WWOX: variants seen among roughly 807,000 people sequenced by gnomAD.
WWOX encodes the protein WW domain-containing oxidoreductase.
A neutral mutation model predicts 46.2 loss-of-function variants in WWOX; 69 were observed. That is an observed-to-expected ratio of 1.49 (90% CI 1.23 to 1.82). The LOEUF is 1.82. WWOX is among the 40% of genes most tolerant of loss of function. WWOX has a pLI of 0.00. For missense variants in WWOX, 919 were observed against 542.6 expected (o/e 1.69, Z -6.89); for synonymous variants, 359 against 202.6 (o/e 1.77, Z -6.56).
chr16:78,550,030 T>C (rs1046488645), intron 8 of WWOX, among the ~76,000 whole-genome samples: 1 of 152,204 alleles, frequency 6.6e-6, no homozygotes, highest in Non-Finnish European at 1.5e-5. Flanking sequence ...GCAATACACA[T>C]TCAATAAATG....
intron 5 of WWOX, among the ~76,000 whole-genome samples, chr16:78,352,474 A>G (rs1178591111): frequency 6.6e-6 from 1 of 152,180 alleles, no homozygotes; most frequent in Non-Finnish European, 1.5e-5. Flanking sequence ...CCTTTGGCTC[A>G]TGGCCCCTTC....
At chr16:78,105,915 C>T (rs2032109916) in intron 1 of WWOX, among the ~76,000 whole-genome samples, 1 of 152,194 alleles carries the variant, frequency 6.6e-6, no homozygotes. Context: ...AATTCTCATG[C>T]CTCAGCCACT....
chr16:78,504,434 T>C (rs1380480648), intron 8 of WWOX, among the ~76,000 whole-genome samples: 2 of 152,228 alleles, frequency 1.3e-5, no homozygotes, highest in Non-Finnish European at 2.9e-5. Flanking sequence ...TGCGTTTGTC[T>C]ATCTCAGATT....
intron 8 of WWOX, among the ~76,000 whole-genome samples, chr16:78,647,954 T>G (rs1038838873): frequency 3.3e-5 from 5 of 152,230 alleles, no homozygotes; most frequent in African/African-American, 1.2e-4. Flanking sequence ...AAATTTCATA[T>G]GAACGGTGGG....
At chr16:79,185,201 T>C (rs1044661406) in intron 8 of WWOX, among the ~76,000 whole-genome samples, 1 of 152,212 alleles carries the variant, frequency 6.6e-6, no homozygotes, top group Non-Finnish European at 1.5e-5. Context: ...AGTTTCAGAA[T>C]ACTTGGACTT....
intron 8 of WWOX, among the ~76,000 whole-genome samples, chr16:78,747,099 C>T (rs922725421): frequency 6.6e-6 from 1 of 152,100 alleles, no homozygotes; most frequent in Non-Finnish European, 1.5e-5. Flanking sequence ...CTTTCTTTTC[C>T]TGGGACCCAC....
chr16:78,295,226 A>G (rs1038324801), intron 5 of WWOX, among the ~76,000 whole-genome samples: 4 of 152,162 alleles, frequency 2.6e-5, no homozygotes, highest in Non-Finnish European at 4.4e-5. Flanking sequence ...TAGAGCAGAG[A>G]GAGTGGCGAG....
intron 8 of WWOX, among the ~76,000 whole-genome samples, chr16:78,474,199 T>G (rs1409014201): frequency 6.6e-6 from 1 of 152,272 alleles, no homozygotes; most frequent in Non-Finnish European, 1.5e-5. Flanking sequence ...TTTTCATTAC[T>G]AACACCTCTC....
chr16:78,106,355 C>T (rs1157689045), intron 1 of WWOX, among the ~76,000 whole-genome samples: 1 of 151,700 alleles, frequency 6.6e-6, no homozygotes, highest in African/African-American at 2.4e-5. Context: ...ACCAATATTC[C>T]CACTGTGCCA....
chr16:78,729,294 A>G (rs2048909096), intron 8 of WWOX, among the ~76,000 whole-genome samples: 1 of 151,896 alleles, frequency 6.6e-6, no homozygotes, highest in African/African-American at 2.4e-5. Context: ...GTGAGCTATG[A>G]TTGCACCACT....
chr16:78,244,229 G>A (rs76200495), intron 5 of WWOX, among the ~76,000 whole-genome samples: 7,265 of 152,278 alleles, frequency 0.048, 244 homozygotes, highest in Middle Eastern at 0.1. Context: ...AATAATTCTC[G>A]GAGTATGTGA....
At chr16:79,180,875 A>G (rs944556960) in intron 8 of WWOX, among the ~76,000 whole-genome samples, 10 of 152,336 alleles carry the variant, frequency 6.6e-5, no homozygotes, top group African/African-American at 2.4e-4. Flanking sequence ...TACTGTTTCT[A>G]ATTCCAATAC....
chr16:78,360,246 T>C (rs1356416976), intron 5 of WWOX, among the ~76,000 whole-genome samples: 2 of 152,154 alleles, frequency 1.3e-5, no homozygotes, highest in African/African-American at 4.8e-5. Flanking sequence ...ATTTCACTGG[T>C]GTTCTGTCAA....
At chr16:78,409,076 G>A (rs1288225575) in intron 6 of WWOX, among the ~76,000 whole-genome samples, 1 of 152,152 alleles carries the variant, frequency 6.6e-6, no homozygotes, top group African/African-American at 2.4e-5. Flanking sequence ...AAAAACAGAT[G>A]AGTGAGACCC....
chr16:79,107,764 A>C (rs949502897), intron 8 of WWOX, among the ~76,000 whole-genome samples: 3 of 152,208 alleles, frequency 2.0e-5, no homozygotes, highest in Non-Finnish European at 4.4e-5. Flanking sequence ...GGAAATCATT[A>C]GGTGCTACAT....
At chr16:78,421,319 C>G (rs1325941611) in intron 6 of WWOX, among the ~76,000 whole-genome samples, 1 of 152,112 alleles carries the variant, frequency 6.6e-6, no homozygotes, top group East Asian at 1.9e-4. Context: ...CTTCCCATGA[C>G]TGCCAGCCAC....
intron 8 of WWOX, among the ~76,000 whole-genome samples, chr16:78,433,831 C>T (rs539864692): frequency 3.3e-4 from 46 of 140,962 alleles, no homozygotes; most frequent in African/African-American, 1.2e-3. Context: ...GCTCTGTCGC[C>T]CAGGCTGGAG....
chr16:78,832,262 C>G (rs968967658), intron 8 of WWOX, among the ~76,000 whole-genome samples: 1 of 152,156 alleles, frequency 6.6e-6, no homozygotes, highest in African/African-American at 2.4e-5. Flanking sequence ...GGGGGCCTCT[C>G]TGTACAGCTT....
chr16:78,989,626 G>T (rs2046844859), intron 8 of WWOX, among the ~76,000 whole-genome samples: 1 of 152,186 alleles, frequency 6.6e-6, no homozygotes. Flanking sequence ...CAGTCTTGTG[G>T]ATTCAGGAAT....
Sources: gnomAD v4.1 joint callset for allele counts (sites outside exome capture counted in the v4.1 genomes callset) on GRCh38, gnomAD v4.1.1 for gene constraint, MANE v1.5 for transcripts, NCBI Gene and HGNC (gene_info 2026-07-23, HGNC 2026-07-21) for gene names.